CDH18: variants seen among roughly 807,000 people sequenced by gnomAD.
The protein encoded by CDH18 is cadherin-18.
CDH18 carries 31 observed loss-of-function variants against 67.9 expected under a neutral mutation model. That is an observed-to-expected ratio of 0.46 (90% CI 0.34 to 0.62). The LOEUF is 0.62. CDH18 is among the 20% of genes least tolerant of loss of function. CDH18 has a pLI of 0.01. For synonymous variants in CDH18, 362 were observed against 347.2 expected, an observed-to-expected ratio of 1.04 and a Z score of -0.48; for missense variants, 890 against 975.5, an observed-to-expected ratio of 0.91 and a Z score of 1.17.
intron 2 of CDH18, among the ~76,000 whole-genome samples, chr5:19,975,173 C>T (rs910015840): frequency 2.6e-5 from 4 of 152,102 alleles, no homozygotes; most frequent in Middle Eastern, 6.8e-3. Context: ...TATATAAAAT[C>T]TCAGTTCAAA....
chr5:20,106,583 A>C (rs1251558448), intron 2 of CDH18, among the ~76,000 whole-genome samples: 1 of 152,214 alleles, frequency 6.6e-6, no homozygotes, highest in Non-Finnish European at 1.5e-5. Flanking sequence ...ATATATAATA[A>C]ATTGCACATT....
chr5:19,521,995 A>C (rs1040816801), intron 9 of CDH18, among the ~76,000 whole-genome samples: 11 of 152,146 alleles, frequency 7.2e-5, no homozygotes, highest in African/African-American at 2.7e-4. Context: ...AACTGCCTAA[A>C]CAAAATAATA....
chr5:19,892,706 A>G (rs1173759872), intron 2 of CDH18, among the ~76,000 whole-genome samples: 3 of 152,064 alleles, frequency 2.0e-5, no homozygotes, highest in Admixed American at 6.6e-5. Flanking sequence ...TCACACGGAC[A>G]TTCAAGCAGA....
At chr5:20,550,369 C>A (rs1452126377) in intron 1 of CDH18, among the ~76,000 whole-genome samples, 3 of 152,070 alleles carry the variant, frequency 2.0e-5, no homozygotes, top group Non-Finnish European at 4.4e-5. Context: ...CCAGTTTACA[C>A]CTTGGAGAGC....
At chr5:19,860,324 T>C (rs1218041983) in intron 2 of CDH18, among the ~76,000 whole-genome samples, 2 of 152,062 alleles carry the variant, frequency 1.3e-5, no homozygotes, top group African/African-American at 4.8e-5. Flanking sequence ...TGTTTTATCC[T>C]TTTCTTATTT....
chr5:20,150,872 A>T (rs1290907405), intron 2 of CDH18, among the ~76,000 whole-genome samples: 1 of 152,084 alleles, frequency 6.6e-6, no homozygotes, highest in Non-Finnish European at 1.5e-5. Context: ...AAAAACAAGA[A>T]TTCCCCAAAG....
intron 2 of CDH18, among the ~76,000 whole-genome samples, chr5:19,978,903 C>T (rs1798754510): frequency 6.6e-6 from 1 of 152,144 alleles, no homozygotes; most frequent in Non-Finnish European, 1.5e-5. Context: ...CCATAACCCT[C>T]CACTGCCATG....
intron 1 of CDH18, among the ~76,000 whole-genome samples, chr5:20,541,919 T>C (rs1366569167): frequency 6.6e-6 from 1 of 152,162 alleles, no homozygotes; most frequent in Non-Finnish European, 1.5e-5. Context: ...ACGAGGTTAT[T>C]GAATATCTCA....
intron 3 of CDH18, among the ~76,000 whole-genome samples, chr5:19,756,754 C>T (rs1345147861): frequency 6.6e-6 from 1 of 152,194 alleles, no homozygotes; most frequent in Non-Finnish European, 1.5e-5. Context: ...GTATTCCTCC[C>T]TCTGGAACTA....
At chr5:19,537,144 T>C (rs576707063) in intron 9 of CDH18, among the ~76,000 whole-genome samples, 1 of 152,264 alleles carries the variant, frequency 6.6e-6, no homozygotes, top group South Asian at 2.1e-4. Context: ...TTTCATATTG[T>C]TAGTGGGCCT....
chr5:19,818,866 A>G (rs1779565760), intron 3 of CDH18, among the ~76,000 whole-genome samples: 1 of 152,168 alleles, frequency 6.6e-6, no homozygotes. Flanking sequence ...TCAGGAGAAA[A>G]TCAGTTACTT....
At chr5:19,658,184 AT>A (rs1373880141) in intron 5 of CDH18, among the ~76,000 whole-genome samples, 1 of 152,030 alleles carries the variant, frequency 6.6e-6, no homozygotes, top group African/African-American at 2.4e-5. Flanking sequence ...CTATATTTGC[AT>A]TTTTATATAG....
chr5:20,430,143 A>C (rs565831829), intron 1 of CDH18, among the ~76,000 whole-genome samples: 1 of 152,290 alleles, frequency 6.6e-6, no homozygotes, highest in African/African-American at 2.4e-5. Context: ...CATTCACTAC[A>C]TTGGTTTTGA....
intron 8 of CDH18, among the ~76,000 whole-genome samples, chr5:19,548,843 C>A (rs1046348485): frequency 6.6e-6 from 1 of 151,544 alleles, no homozygotes; most frequent in African/African-American, 2.4e-5. Flanking sequence ...CTCTGCCTCC[C>A]GGGTTCAAAC....
intron 1 of CDH18, among the ~76,000 whole-genome samples, chr5:20,300,051 TA>T (rs1747844280): frequency 6.6e-6 from 1 of 152,110 alleles, no homozygotes; most frequent in African/African-American, 2.4e-5. Flanking sequence ...GGTGAAGAAA[TA>T]TTTTTTTAAA....
At chr5:20,480,706 T>G (rs931276425) in intron 1 of CDH18, among the ~76,000 whole-genome samples, 6 of 152,114 alleles carry the variant, frequency 3.9e-5, no homozygotes, top group Admixed American at 1.3e-4. Flanking sequence ...CTGACCAAAG[T>G]ATAGAGTTTT....
intron 10 of CDH18, among the ~76,000 whole-genome samples, chr5:19,518,773 C>T (rs534554337): frequency 1.3e-5 from 2 of 152,254 alleles, no homozygotes; most frequent in African/African-American, 4.8e-5. Context: ...GGCTTCCTTG[C>T]TCCTCAGCTT....
chr5:19,744,786 T>C lies in CDH18; in HGVS notation c.523+2156A>G, dbSNP rs559614103. Among the ~76,000 whole-genome samples, 12 of 152,352 alleles carry C rather than the reference T, an allele frequency of 7.9e-5. No individual in the cohort carries two copies. In the East Asian group the frequency reaches 1.9e-3, roughly 24 times the overall value. On this transcript the variant is annotated intron_variant, in intron 4 of 12. Transcript: ENST00000382275. Reference sequence around the variant, plus strand: ...CTTTCTAACAGATTCCTCTATTTCATGTAATAAATGTGAGGGTAACATATT... The same window carrying C: ...CTTTCTAACAGATTCCTCTATTTCACGTAATAAATGTGAGGGTAACATATT...
chr5:19,634,643 T>A (rs1752862993), intron 5 of CDH18, among the ~76,000 whole-genome samples: 1 of 152,018 alleles, frequency 6.6e-6, no homozygotes, highest in African/African-American at 2.4e-5. Flanking sequence ...TCCCAAAGAA[T>A]GTATTTGGAT....
Sources: gnomAD v4.1 joint callset for allele counts (sites outside exome capture counted in the v4.1 genomes callset) on GRCh38, gnomAD v4.1.1 for gene constraint, MANE v1.5 for transcripts, NCBI Gene and HGNC (gene_info 2026-07-23, HGNC 2026-07-21) for gene names.